Variants in NTRK3 observed in about 807,000 individuals in gnomAD.
NTRK3 encodes neurotrophic receptor tyrosine kinase 3.
Under a neutral mutation model 91.7 loss-of-function variants are expected in NTRK3, and 24 were observed. The ratio of observed to expected loss-of-function variants is 0.26; its 90% CI spans 0.19 to 0.37. NTRK3 has a LOEUF of 0.37. Among genes scored for constraint, NTRK3 ranks in the 10% least tolerant of loss-of-function variants. The pLI is 1.00. For missense variants in NTRK3, 880 were observed against 1,068.9 expected (o/e 0.82, Z 2.46); for synonymous variants, 483 against 404.0 (o/e 1.20, Z -2.34).
intron 3 of NTRK3, among the ~76,000 whole-genome samples, chr15:88,207,596 G>A (rs2048900926): frequency 6.6e-6 from 1 of 152,190 alleles, no homozygotes; most frequent in African/African-American, 2.4e-5. Flanking sequence ...TTTCTCTGGA[G>A]AAGGATATCC....
intron 17 of NTRK3, among the ~76,000 whole-genome samples, chr15:87,898,823 T>TAAAAAAAAAAAAA (rs34425235): frequency 1.9e-5 from 2 of 103,986 alleles, no homozygotes; most frequent in African/African-American, 7.8e-5. Flanking sequence ...CTGTCTCTAC[T>TAAAAAAAAAAAAA]AAAAAAAAAA....
At chr15:87,896,161 C>G (rs1477980566) in intron 17 of NTRK3, among the ~76,000 whole-genome samples, 1 of 152,140 alleles carries the variant, frequency 6.6e-6, no homozygotes, top group South Asian at 2.1e-4. Context: ...TCATATTTGG[C>G]TCAGAATAAA....
intron 14 of NTRK3, chr15:87,981,229 G>A (rs1377500507): frequency 6.3e-7 from 1 of 1,581,712 alleles, no homozygotes; most frequent in East Asian, 2.3e-5. Context: ...AACTCACCAT[G>A]TGACCTTGGG....
intron 13 of NTRK3, among the ~76,000 whole-genome samples, chr15:88,054,338 C>G (rs1004088269): frequency 3.9e-5 from 6 of 152,178 alleles, no homozygotes; most frequent in African/African-American, 1.4e-4. Flanking sequence ...AAATTCTGAT[C>G]TAAGTGTCCT....
At chr15:88,181,280 T>C (rs904393827) in intron 5 of NTRK3, among the ~76,000 whole-genome samples, 3 of 152,110 alleles carry the variant, frequency 2.0e-5, no homozygotes, top group Admixed American at 2.0e-4. Flanking sequence ...CACAAAGCCT[T>C]GGGAATCTTG....
intron 13 of NTRK3, among the ~76,000 whole-genome samples, chr15:88,046,934 G>A (rs953376804): frequency 6.6e-6 from 1 of 152,150 alleles, no homozygotes; most frequent in African/African-American, 2.4e-5. Flanking sequence ...CATCAGTTCT[G>A]TGATCTCTTC....
intron 3 of NTRK3, among the ~76,000 whole-genome samples, chr15:88,195,500 C>T (rs903536592): frequency 1.3e-5 from 2 of 152,220 alleles, no homozygotes; most frequent in African/African-American, 2.4e-5. Flanking sequence ...TTGATTGGGA[C>T]AGCACTTTTT....
At chr15:87,952,297 C>T (rs1207663011) in intron 14 of NTRK3, among the ~76,000 whole-genome samples, 1 of 152,060 alleles carries the variant, frequency 6.6e-6, no homozygotes, top group African/African-American at 2.4e-5. Context: ...AAGAAAGACT[C>T]CTCTTTCCTC....
chr15:88,146,089 C>T lies in NTRK3; in HGVS notation c.464+1246G>A, dbSNP rs761479376. 2.7e-4 allele frequency among the ~76,000 whole-genome samples: 41 copies of T among 152,264 alleles called. 1 individual carries two copies. The highest frequency in any genetic ancestry group is 1.2e-3 in the Admixed American group (19 of 15,300). On this transcript the variant is annotated intron_variant, in intron 6 of 18. Coordinates refer to ENST00000394480, the Ensembl canonical transcript of NTRK3. ...GGATTAAATTAAATTAAGTATACAACTTAAGAGATTGCTTGGCACAATGCC... is the reference window on the plus strand; with the variant it reads ...GGATTAAATTAAATTAAGTATACAATTTAAGAGATTGCTTGGCACAATGCC...
At chr15:88,119,483 A>G (rs1050941152) in intron 13 of NTRK3, among the ~76,000 whole-genome samples, 4 of 152,220 alleles carry the variant, frequency 2.6e-5, no homozygotes, top group Admixed American at 1.3e-4. Context: ...AAATGTCAGA[A>G]AAGAGAGGGA....
intron 14 of NTRK3, among the ~76,000 whole-genome samples, chr15:87,995,335 G>GT (rs1337791170): frequency 2.0e-5 from 3 of 152,202 alleles, no homozygotes; most frequent in Non-Finnish European, 4.4e-5. Context: ...TACAGGGAGA[G>GT]TGCTAGGGCA....
chr15:88,046,863 C>T (rs2080254205), intron 13 of NTRK3, among the ~76,000 whole-genome samples: 1 of 152,168 alleles, frequency 6.6e-6, no homozygotes, highest in Non-Finnish European at 1.5e-5. Flanking sequence ...TACAGAGGGT[C>T]GATTGATTTT....
At chr15:88,094,179 G>A (rs1049101067) in intron 13 of NTRK3, among the ~76,000 whole-genome samples, 3 of 152,122 alleles carry the variant, frequency 2.0e-5, no homozygotes, top group African/African-American at 4.8e-5. Context: ...AGAATAAAAA[G>A]AAGTCGGCCG....
At chr15:88,112,085 T>C (rs1299643964) in intron 13 of NTRK3, among the ~76,000 whole-genome samples, 1 of 152,036 alleles carries the variant, frequency 6.6e-6, no homozygotes, top group Non-Finnish European at 1.5e-5. Context: ...TTTTTGTATT[T>C]TTAGTAGAGA....
chr15:87,885,382 G>C (rs542435217), intron 17 of NTRK3, among the ~76,000 whole-genome samples: 1 of 151,834 alleles, frequency 6.6e-6, no homozygotes, highest in African/African-American at 2.4e-5. Context: ...AAATGAAATG[G>C]TGTATGGAAA....
At chr15:88,256,443 G>A in exon 2 of NTRK3, 2 of 542,186 alleles carry the variant, frequency 3.7e-6, no homozygotes, top group Non-Finnish European at 3.2e-6. Flanking sequence ...TGACTCGCCG[G>A]GTCCGGGGGC....
At chr15:88,072,801 C>T (rs1033008550) in intron 13 of NTRK3, 5 of 232,906 alleles carry the variant, frequency 2.1e-5, no homozygotes, top group East Asian at 6.0e-5. Flanking sequence ...AGAGGGAAAG[C>T]GGGCAGTGCT....
intron 14 of NTRK3, among the ~76,000 whole-genome samples, chr15:88,014,865 A>G (rs1437900719): frequency 6.6e-6 from 1 of 152,268 alleles, no homozygotes; most frequent in East Asian, 1.9e-4. Context: ...ATCTATGTTT[A>G]GAAATATGCA....
intron 10 of NTRK3, among the ~76,000 whole-genome samples, chr15:88,129,578 A>T (rs143837930): frequency 6.6e-6 from 1 of 152,206 alleles, no homozygotes; most frequent in Non-Finnish European, 1.5e-5. Context: ...ACCAACATCC[A>T]ATAAAAGGAG....
Sources: allele counts gnomAD v4.1 joint callset (sites outside exome capture counted in the v4.1 genomes callset), GRCh38; gene constraint gnomAD v4.1.1; transcripts MANE v1.5; gene names NCBI Gene and HGNC (gene_info 2026-07-23, HGNC 2026-07-21).